The following PGM2L1 variants were observed in gnomAD, a reference collection of about 807,000 sequenced individuals.
The protein encoded by PGM2L1 is phosphoglucomutase 2 like 1, also known as glucose 1,6-bisphosphate synthase.
In PGM2L1, 35 loss-of-function variants were observed where a neutral mutation model predicts 73.4. That is an observed-to-expected ratio of 0.48 (90% CI 0.36 to 0.63). The LOEUF (loss-of-function observed/expected upper bound fraction) is 0.63, where lower values mean the gene tolerates loss of function less well. Among genes scored for constraint, PGM2L1 ranks in the 30% least tolerant of loss-of-function variants. The pLI is 0.00. For synonymous variants in PGM2L1, 225 were observed against 253.8 expected (o/e 0.89, Z 1.08); for missense variants, 570 against 742.0 (o/e 0.77, Z 2.69).
In PGM2L1 at chr11:74,346,913, T is replaced by C. The variant is rs1862275817; in HGVS notation, c.940-84A>G. 6.0e-6 allele frequency: 7 copies of C among 1,157,646 alleles called. No homozygotes were observed. In the South Asian group the frequency reaches 8.8e-5, roughly 15 times the overall value. The allele number at this position is 1,157,646 out of a possible 1,614,324, so 71.7% of individuals were successfully genotyped here. A position where few individuals can be genotyped will look rare whatever the true frequency, so the allele number is the denominator to read the frequency against. On this transcript the variant is annotated intron_variant, in intron 7 of 13. Transcript: ENST00000298198. ...TTCCTGTATGTAGGCACAATGTTAGTGATAGGAATTTTAGAAGGCATAGAA... is the reference window on the plus strand; with the variant it reads ...TTCCTGTATGTAGGCACAATGTTAGCGATAGGAATTTTAGAAGGCATAGAA...
intron 1 of PGM2L1, among the ~76,000 whole-genome samples, chr11:74,376,491 T>C (rs1298505599): frequency 6.6e-6 from 1 of 150,914 alleles, no homozygotes; most frequent in Non-Finnish European, 1.5e-5. Flanking sequence ...GTATAATGTG[T>C]ATATAGTATA....
In PGM2L1 at chr11:74,335,881, T is replaced by C. The variant is rs774258069; in HGVS notation, c.*771A>G. 1.3e-5 allele frequency: 2 copies of C among 152,650 alleles called. No individual in the cohort carries two copies. Among genetic ancestry groups the C allele is most frequent in the Non-Finnish European group, 2.9e-5 (2 of 68,022 alleles). The allele number at this position is 152,650 out of a possible 1,614,324, so 9.5% of individuals were successfully genotyped here. A position where few individuals can be genotyped will look rare whatever the true frequency, so the allele number is the denominator to read the frequency against. ...AAGATTTTCCTTAGCTATCTGCAAATTGACTGATTAAATTATGGTAAATGC... is the reference window on the plus strand; with the variant it reads ...AAGATTTTCCTTAGCTATCTGCAAACTGACTGATTAAATTATGGTAAATGC... On this transcript the variant is annotated 3_prime_UTR_variant, in exon 14 of 14. Coordinates refer to ENST00000298198, the MANE Select transcript of PGM2L1 (RefSeq NM_173582.6).
rs185449637 is a variant in PGM2L1 at position 74,384,138 on chromosome 11, C to T, written c.112-9556G>A. Among the ~76,000 whole-genome samples the T allele has an allele frequency of 5.3e-5, 8 of 152,048 alleles. No individual in the cohort carries two copies. In the South Asian group the frequency reaches 6.2e-4, roughly 12 times the overall value. On this transcript the variant is annotated intron_variant, in intron 1 of 13. Transcript: ENST00000298198. ...CTCTCTTTTACTCCCCCACTCCCCC[C>T]GCATCCTTTTGTCATTCCATGCTTT...
Position 74,335,900 on chromosome 11 carries a change from T to C in PGM2L1, c.*752A>G, listed in dbSNP as rs1426784239. The stretch of plus-strand genomic sequence containing the variant: ...TGCAAATTGACTGATTAAATTATGG[T>C]AAATGCAGGAACACTGTTTTTTCTG... On this transcript the variant is annotated 3_prime_UTR_variant, in exon 14 of 14. Coordinates refer to ENST00000298198, the MANE Select transcript of PGM2L1 (RefSeq NM_173582.6). 1 of 152,662 alleles carries C rather than the reference T, an allele frequency of 6.6e-6. No homozygotes were observed. Among genetic ancestry groups the C allele is most frequent in the Non-Finnish European group, 1.5e-5 (1 of 68,050 alleles). The allele number at this position is 152,662 out of a possible 1,614,324, so 9.5% of individuals were successfully genotyped here.
At chr11:74,350,832 G>A (rs1044306504) in intron 6 of PGM2L1, among the ~76,000 whole-genome samples, 4 of 151,976 alleles carry the variant, frequency 2.6e-5, no homozygotes, top group Non-Finnish European at 4.4e-5. Context: ...AGCCCAGATC[G>A]TGCCACTGCA....
intron 5 of PGM2L1, among the ~76,000 whole-genome samples, chr11:74,360,067 C>A (rs1862531598): frequency 6.6e-6 from 1 of 151,918 alleles, no homozygotes; most frequent in African/African-American, 2.4e-5. Context: ...TAGCAAGACC[C>A]TGTCTCTACT....
chr11:74,342,958 C>A lies in PGM2L1; in HGVS notation c.1369G>T (p.Val457Phe), dbSNP rs773545367. The change falls in exon 11 of 14, where the codon GTT becomes TTT. Residue 457 changes from valine (V) to phenylalanine (F), a missense_variant. Transcript: ENST00000298198. ...DKDGVSAAVV[V>F]AEMASYLETM... Reference sequence around the variant, plus strand: ...TCCAGGTAAGATGCCATCTCAGCAACCACAACAGCTGCACTCACCCCATCT... The same window carrying A: ...TCCAGGTAAGATGCCATCTCAGCAAACACAACAGCTGCACTCACCCCATCT... 4 of 1,611,190 alleles carry A rather than the reference C, an allele frequency of 2.5e-6. No homozygotes were observed. The South Asian group carries it at 3.3e-5, about 13-fold the overall frequency.
At chr11:74,396,726 T>C (rs892242703) in intron 1 of PGM2L1, among the ~76,000 whole-genome samples, 20 of 152,230 alleles carry the variant, frequency 1.3e-4, no homozygotes, top group Admixed American at 6.5e-4. Flanking sequence ...AAATTCATTC[T>C]TAGGCAGAAT....
chr11:74,331,668 T>C lies in PGM2L1; in HGVS notation c.*4984A>G. The C allele has an allele frequency of 6.6e-6, 1 of 152,226 alleles. No homozygotes were observed. Among genetic ancestry groups the C allele is most frequent in the East Asian group, 1.9e-4 (1 of 5,206 alleles). 9.4% of individuals were successfully genotyped at this position (152,226 alleles called of 1,614,324 possible). The stretch of plus-strand genomic sequence containing the variant: ...AAACTGAGCAGCCACGTGATGAACA[T>C]GGTGCTCCTTTGTGGTGGCATAAGT... On this transcript the variant is annotated 3_prime_UTR_variant, in exon 14 of 14. Transcript: ENST00000298198.
chr11:74,354,430 T>A, intron 5 of PGM2L1: 1 of 682,222 alleles, frequency 1.5e-6, no homozygotes. Context: ...AAAGTCTCCT[T>A]CCCCCTGCTG....
At chr11:74,340,611 A>G (rs1862168615) in intron 12 of PGM2L1, among the ~76,000 whole-genome samples, 1 of 152,228 alleles carries the variant, frequency 6.6e-6, no homozygotes, top group African/African-American at 2.4e-5. Flanking sequence ...CACAACAACA[A>G]TAACAAAATG....
chr11:74,351,643 T>A lies in PGM2L1; in HGVS notation c.556-67A>T, dbSNP rs185165965. On this transcript the variant is annotated intron_variant, in intron 5 of 13. Transcript: ENST00000298198. ...TGCCAGATCTTTTCTTGTCTATAGT[T>A]GAGATCTTCAGCTTTATTAAAAAGC... 2.6e-4 allele frequency: 355 copies of A among 1,361,328 alleles called. 1 individual carries two copies. The African/African-American group carries it at 4.8e-3, about 18-fold the overall frequency. The allele number at this position is 1,361,328 out of a possible 1,614,324, so 84.3% of individuals were successfully genotyped here.
intron 5 of PGM2L1, among the ~76,000 whole-genome samples, chr11:74,363,735 A>G (rs1862605455): frequency 6.6e-6 from 1 of 152,156 alleles, no homozygotes; most frequent in Non-Finnish European, 1.5e-5. Flanking sequence ...CTACCAACCA[A>G]AAAAAGTCCA....
rs1008450929 is a variant in PGM2L1 at position 74,335,734 on chromosome 11, A to G, written c.*918T>C. Reference sequence around the variant, plus strand: ...TAATAAAAGGTTTGATAAATGACACAATTCTAATATGAAGATCCTTAACTA... The same window carrying G: ...TAATAAAAGGTTTGATAAATGACACGATTCTAATATGAAGATCCTTAACTA... On this transcript the variant is annotated 3_prime_UTR_variant, in exon 14 of 14. Transcript: ENST00000298198. 1.3e-5 allele frequency: 2 copies of G among 152,608 alleles called. No homozygotes were observed. Among genetic ancestry groups the G allele is most frequent in the African/African-American group, 2.4e-5 (1 of 41,458 alleles). The allele number at this position is 152,608 out of a possible 1,614,324, so 9.5% of individuals were successfully genotyped here.
intron 8 of PGM2L1, among the ~76,000 whole-genome samples, chr11:74,346,395 TAA>T (rs1029469542): frequency 6.6e-6 from 1 of 151,268 alleles, no homozygotes; most frequent in African/African-American, 2.4e-5. Context: ...AAAAAATGTA[TAA>T]AGTCAGGGGA....
chr11:74,377,031 C>T (rs1331127543), intron 1 of PGM2L1, among the ~76,000 whole-genome samples: 1 of 151,880 alleles, frequency 6.6e-6, no homozygotes, highest in Non-Finnish European at 1.5e-5. Context: ...TTCAGATGAA[C>T]TTACATTTGT....
At chr11:74,364,425 G>A (rs1057117156) in intron 5 of PGM2L1, among the ~76,000 whole-genome samples, 20 of 152,192 alleles carry the variant, frequency 1.3e-4, no homozygotes, top group Non-Finnish European at 2.6e-4. Context: ...AAGTCAAATT[G>A]TCCCTGTTTG....
chr11:74,371,076 C>A, intron 3 of PGM2L1, 90 bp from the exon 4 acceptor site: 1 of 936,260 alleles, frequency 1.1e-6, no homozygotes, highest in South Asian at 1.5e-5. Context: ...TATAATTAGT[C>A]TGAATAAATA....
intron 9 of PGM2L1, among the ~76,000 whole-genome samples, chr11:74,344,010 T>C (rs899079961): frequency 6.6e-6 from 1 of 151,926 alleles, no homozygotes; most frequent in Non-Finnish European, 1.5e-5. Context: ...CTCCTGACCT[T>C]GTGATCCACC....
Sources: allele counts gnomAD v4.1 joint callset (sites outside exome capture counted in the v4.1 genomes callset), GRCh38; gene constraint gnomAD v4.1.1; transcripts MANE v1.5; gene names NCBI Gene and HGNC (gene_info 2026-07-23, HGNC 2026-07-21).